Variants in MED24 observed in about 807,000 individuals in gnomAD.
MED24 encodes mediator of RNA polymerase II transcription subunit 24.
A neutral mutation model predicts 118.8 loss-of-function variants in MED24; 74 were observed. The observed-to-expected ratio is 0.62, with a 90% CI of 0.52 to 0.76. The LOEUF is 0.76. Among genes scored for constraint, MED24 ranks in the 30% least tolerant of loss-of-function variants. The pLI is 0.00. For synonymous variants in MED24, 521 were observed against 523.9 expected (o/e 0.99, Z 0.08); for missense variants, 1,041 against 1,278.9 (o/e 0.81, Z 2.84).
At chr17:40,035,375 C>T in intron 5 of MED24, 26 bp from the exon 6 acceptor site, 1 of 1,549,460 alleles carries the variant, frequency 6.5e-7, no homozygotes, top group Non-Finnish European at 8.7e-7. Context: ...CAAAATCAGA[C>T]TCTGTTCTTC....
intron 18 of MED24, 127 bp from the exon 19 acceptor site, chr17:40,026,458 C>A (rs1468223971): frequency 3.9e-6 from 5 of 1,286,880 alleles, no homozygotes; most frequent in Non-Finnish European, 4.3e-6. Flanking sequence ...ACACCTCTCT[C>A]CACAAGTTTG....
chr17:40,027,995 G>T, intron 14 of MED24, 49 bp from the exon 15 acceptor site: 1 of 1,586,838 alleles, frequency 6.3e-7, no homozygotes. Context: ...GAGCTGAGCA[G>T]TAGCTGGGCG....
chr17:40,046,302 T>A (rs1335315337), intron 3 of MED24, among the ~76,000 whole-genome samples: 4 of 146,666 alleles, frequency 2.7e-5, no homozygotes, highest in African/African-American at 1.0e-4. Context: ...GCCAGGATGG[T>A]CTCGATCTCC....
chr17:40,050,640 C>T (rs563202665), intron 3 of MED24, among the ~76,000 whole-genome samples: 2 of 151,998 alleles, frequency 1.3e-5, no homozygotes, highest in African/African-American at 4.8e-5. Context: ...AGTCAAATAC[C>T]ACATATTCTC....
intron 3 of MED24, among the ~76,000 whole-genome samples, chr17:40,050,394 C>T (rs1985712476): frequency 6.6e-6 from 1 of 151,974 alleles, no homozygotes; most frequent in Admixed American, 6.6e-5. Context: ...TCACAGTAAG[C>T]AGAGATCACG....
At chr17:40,024,206 C>G (rs1164023369) in intron 19 of MED24, among the ~76,000 whole-genome samples, 3 of 152,166 alleles carry the variant, frequency 2.0e-5, no homozygotes, top group Non-Finnish European at 4.4e-5. Flanking sequence ...CCGTCCAAAC[C>G]TCATTCAGCT....
Position 40,031,546 on chromosome 17 carries a change from C to A in MED24, c.1059G>T (p.Gln353His). The A allele has an allele frequency of 2.5e-6, 4 of 1,614,020 alleles. No individual in the cohort carries two copies. The highest frequency in any genetic ancestry group is 3.4e-6 in the Non-Finnish European group (4 of 1,179,886). Residue 353 changes from glutamine (Q) to histidine (H), a missense_variant, in exon 11 of 26, where the codon CAG becomes CAT. By Grantham distance (24) the Gln-to-His change is conservative (BLOSUM62 0). Coordinates refer to ENST00000394128, the MANE Select transcript of MED24 (RefSeq NM_014815.4). ...ACCAGGGGAGCTCATACTTGCAGCG[C>A]TGGTCAGCTTTGTCCAACAAGGGGG... The part of the protein sequence containing the change: ...KLTPLLDKAD[Q>H]RCNCDCTNFL...
intron 5 of MED24, 52 bp downstream of exon 5, chr17:40,035,670 C>G (rs1426946259): frequency 1.9e-6 from 3 of 1,585,296 alleles, no homozygotes; most frequent in Non-Finnish European, 2.6e-6. Flanking sequence ...CACCTCTGCA[C>G]AAAGACAAGG....
rs1410338286 is a variant in MED24, at chr17:40,026,146, G to A, written c.1985+10C>T. The stretch of plus-strand genomic sequence containing the variant: ...TTGAAGGGTCTGAGAAGGGAAGGCA[G>A]GTTACCGACCTCTCATTGTAGAACT... On this transcript the variant is annotated intron_variant, in intron 19 of 25. Coordinates refer to ENST00000394128, the MANE Select transcript of MED24 (RefSeq NM_014815.4). The A allele has an allele frequency of 4.3e-6, 7 of 1,609,314 alleles. No homozygotes were observed. The highest frequency in any genetic ancestry group is 3.3e-5 in the Admixed American group (2 of 59,856).
At chr17:40,035,850 C>T (rs147299827) in intron 4 of MED24, 55 bp from the exon 5 acceptor site, 4 of 1,523,496 alleles carry the variant, frequency 2.6e-6, no homozygotes, top group African/African-American at 2.7e-5. Context: ...CCCCAGGTCT[C>T]ACATGAGGCA....
chr17:40,022,142 G>A (rs1598331191), intron 22 of MED24, 88 bp from the exon 23 acceptor site: 18 of 1,120,702 alleles, frequency 1.6e-5, no homozygotes, highest in East Asian at 7.5e-5. Flanking sequence ...CGATTTGAGC[G>A]AGGTCAGCAT....
At chr17:40,052,408 T>A (rs1053869207) in intron 3 of MED24, among the ~76,000 whole-genome samples, 28 of 152,210 alleles carry the variant, frequency 1.8e-4, no homozygotes, top group African/African-American at 6.3e-4. Flanking sequence ...CTGTACTCTA[T>A]CCTAACCTTT....
In MED24 at chr17:40,031,202, C is replaced by T. The variant is rs764044298; in HGVS notation, c.1111G>A (p.Gly371Arg). 1.3e-6 allele frequency: 2 copies of T among 1,574,002 alleles called. No individual in the cohort carries two copies. Among genetic ancestry groups the T allele is most frequent in the East Asian group, 2.3e-5 (1 of 43,438 alleles). The change falls in exon 12 of 26, where the codon GGG (glycine) becomes AGG (arginine). Residue 371 changes from glycine to arginine, a missense_variant. Gly to Arg is a moderately radical substitution (Grantham distance 125). Transcript: ENST00000394128. ...TTGACGCTGGCCTCAGACAGAAGCC[C>T]CTGCTTGCCACATTCTTGGAGCAGG... Reference protein sequence around the residue: ...NFLLQECGKQGLLSEASVNNL... With the variant: ...NFLLQECGKQRLLSEASVNNL...
At chr17:40,046,436 A>G (rs140747585) in intron 3 of MED24, among the ~76,000 whole-genome samples, 310 of 150,672 alleles carry the variant, frequency 2.1e-3, no homozygotes, top group African/African-American at 7.3e-3. Context: ...GAGAAATACT[A>G]TTCAGCAGTT....
intron 23 of MED24, 150 bp downstream of exon 23, chr17:40,021,805 C>T: frequency 3.4e-6 from 2 of 587,398 alleles, no homozygotes; most frequent in African/African-American, 1.9e-5. Flanking sequence ...GGACACAGAG[C>T]ACCCCCTTGG....
chr17:40,053,105 T>C (rs1047982593), intron 3 of MED24, among the ~76,000 whole-genome samples, 193 bp downstream of exon 3: 5 of 151,984 alleles, frequency 3.3e-5, no homozygotes, highest in Non-Finnish European at 5.9e-5. Flanking sequence ...GGTAACTCTT[T>C]GTATTTTTGG....
Position 40,035,159 on chromosome 17 carries a change from T to G in MED24, c.517A>C (p.Lys173Gln), listed in dbSNP as rs1983792260. 2.5e-6 allele frequency: 4 copies of G among 1,613,982 alleles called. No homozygotes were observed. Among genetic ancestry groups the G allele is most frequent in the Non-Finnish European group, 3.4e-6 (4 of 1,180,024 alleles). The change falls in exon 6 of 26, where the codon AAG becomes CAG. Residue 173 changes from lysine (K) to glutamine (Q), a missense_variant. Transcript: ENST00000394128. ...GCGATGTGCAGCAGGGCCCGGTTCT[T>G]GGTGCTGCTGAGGGTTTTCTCCAGG... ...QRLEKTLSST[K>Q]NRALLHIAKL... is the part of the protein sequence containing the mutation.
chr17:40,039,777 C>G (rs1251476070), intron 3 of MED24, among the ~76,000 whole-genome samples: 2 of 136,256 alleles, frequency 1.5e-5, no homozygotes, highest in Admixed American at 1.6e-4. Flanking sequence ...CACCACCATG[C>G]TTAATTTTTT....
chr17:40,031,068 C>A, intron 12 of MED24, 91 bp downstream of exon 12: 1 of 1,300,082 alleles, frequency 7.7e-7, no homozygotes. Flanking sequence ...CCCAAACTTT[C>A]GACAGGAGGT....
Sources: allele counts gnomAD v4.1 joint callset (sites outside exome capture counted in the v4.1 genomes callset), GRCh38; gene constraint gnomAD v4.1.1; transcripts MANE v1.5; gene names NCBI Gene and HGNC (gene_info 2026-07-23, HGNC 2026-07-21).